Variants in ATP13A4 observed in about 807,000 individuals in gnomAD.
The protein encoded by ATP13A4 is ATPase 13A4.
Under a neutral mutation model 142.5 loss-of-function variants are expected in ATP13A4, and 114 were observed. The ratio of observed to expected loss-of-function variants is 0.80; its 90% CI spans 0.69 to 0.93. The LOEUF (loss-of-function observed/expected upper bound fraction) is 0.93, where lower values mean the gene tolerates loss of function less well. Among genes scored for constraint, ATP13A4 ranks in the 40% least tolerant of loss-of-function variants. The pLI, the probability that ATP13A4 is intolerant of heterozygous loss-of-function variation, is 0.00. For missense variants in ATP13A4, 1,392 were observed against 1,454.0 expected, an observed-to-expected ratio of 0.96 and a Z score of 0.69; for synonymous variants, 488 against 514.8, an observed-to-expected ratio of 0.95 and a Z score of 0.70.
At chr3:193,430,143 C>T (rs1040401188) in intron 25 of ATP13A4, among the ~76,000 whole-genome samples, 3 of 151,926 alleles carry the variant, frequency 2.0e-5, no homozygotes, top group Admixed American at 1.3e-4. Context: ...ATTTTCTATT[C>T]GAAATAAATT....
At chr3:193,499,006 T>C (rs992544858) in intron 3 of ATP13A4, among the ~76,000 whole-genome samples, 2 of 152,226 alleles carry the variant, frequency 1.3e-5, no homozygotes, top group African/African-American at 4.8e-5. Context: ...TTAAATCCCT[T>C]AGCTCTAAGG....
intron 12 of ATP13A4, among the ~76,000 whole-genome samples, chr3:193,464,163 T>C (rs2108642025): frequency 6.6e-6 from 1 of 152,348 alleles, no homozygotes; most frequent in Non-Finnish European, 1.5e-5. Flanking sequence ...CTGCTTAAAA[T>C]ATATGTAAAC....
At chr3:193,485,151 G>A (rs2108659574) in intron 7 of ATP13A4, among the ~76,000 whole-genome samples, 1 of 151,834 alleles carries the variant, frequency 6.6e-6, no homozygotes, top group African/African-American at 2.4e-5. Flanking sequence ...GGTGAATGAA[G>A]GCAGGAGAAA....
chr3:193,445,296 C>A (rs151101305), intron 18 of ATP13A4, among the ~76,000 whole-genome samples: 1 of 151,666 alleles, frequency 6.6e-6, no homozygotes, highest in South Asian at 2.1e-4. Flanking sequence ...ATTAGCCAGG[C>A]GTTGTGTTGC....
chr3:193,549,608 T>G (rs1227796239), intron 1 of ATP13A4, among the ~76,000 whole-genome samples: 1 of 152,094 alleles, frequency 6.6e-6, no homozygotes, highest in African/African-American at 2.4e-5. Flanking sequence ...GGCAGGTGGA[T>G]CTCTTGGGTC....
intron 1 of ATP13A4, among the ~76,000 whole-genome samples, chr3:193,534,825 A>C (rs1192101455): frequency 1.3e-5 from 2 of 152,176 alleles, no homozygotes; most frequent in African/African-American, 2.4e-5. Flanking sequence ...ATAATGGCCG[A>C]AAACATCTCA....
At chr3:193,554,711 G>C (rs1723804985) in intron 1 of ATP13A4, 29 bp downstream of exon 1, 6 of 1,608,604 alleles carry the variant, frequency 3.7e-6, no homozygotes, top group Non-Finnish European at 5.1e-6. Flanking sequence ...AAGTGGGATG[G>C]GAAGAAGGGA....
In ATP13A4 at chr3:193,489,837, G is replaced by T; in HGVS notation, c.631C>A (p.Leu211Ile). ...EVLNPFYIFQ[L>I]FSVCLWFSED... ...CTAAACCACAAACAGACACTGAAGA[G>T]TTGAAATATATAAAATGGATTTAGA... The change falls in exon 7 of 30, where the codon CTC becomes ATC. Residue 211 changes from leucine (L) to isoleucine (I), a missense_variant. Leu to Ile is a conservative substitution (Grantham distance 5). Transcript: ENST00000342695. 1 of 1,612,832 alleles carries T rather than the reference G, an allele frequency of 6.2e-7. No homozygotes were observed. The highest frequency in any genetic ancestry group is 8.5e-7 in the Non-Finnish European group (1 of 1,178,980).
At chr3:193,498,361 G>A (rs1240454419) in intron 3 of ATP13A4, among the ~76,000 whole-genome samples, 7 of 151,942 alleles carry the variant, frequency 4.6e-5, no homozygotes, top group Admixed American at 4.6e-4. Flanking sequence ...GGAAGTGAGG[G>A]TCTGAGACTG....
intron 25 of ATP13A4, among the ~76,000 whole-genome samples, chr3:193,432,061 A>T (rs965982648): frequency 2.0e-5 from 3 of 152,016 alleles, no homozygotes; most frequent in Non-Finnish European, 4.4e-5. Flanking sequence ...AGAATTTTTA[A>T]AAGAAAGAAG....
chr3:193,435,353 T>C (rs1046320284), intron 24 of ATP13A4, among the ~76,000 whole-genome samples: 2 of 152,126 alleles, frequency 1.3e-5, no homozygotes, highest in African/African-American at 4.8e-5. Flanking sequence ...ACGTTGCAAT[T>C]AAGAAGATAA....
chr3:193,555,846 T>C (rs1185409574), upstream of ATP13A4, among the ~76,000 whole-genome samples: 2 of 152,212 alleles, frequency 1.3e-5, no homozygotes, highest in African/African-American at 4.8e-5. Context: ...GTATTCCAGC[T>C]GCTTGTCTGC....
At chr3:193,536,027 A>G (rs1475496842) in intron 1 of ATP13A4, among the ~76,000 whole-genome samples, 1 of 152,026 alleles carries the variant, frequency 6.6e-6, no homozygotes, top group Admixed American at 6.5e-5. Context: ...GGGCCTATAC[A>G]GTTCCACTGA....
intron 1 of ATP13A4, among the ~76,000 whole-genome samples, chr3:193,543,002 A>G (rs1275351167): frequency 6.6e-6 from 1 of 151,522 alleles, no homozygotes; most frequent in South Asian, 2.1e-4. Flanking sequence ...TGTCTCTACT[A>G]AAAAATACAA....
In ATP13A4 at chr3:193,502,661, C is replaced by T. The variant is rs752336242; in HGVS notation, c.235-22G>A. On this transcript the variant is annotated intron_variant, in intron 2 of 29. Coordinates refer to ENST00000342695, the MANE Select transcript of ATP13A4 (RefSeq NM_032279.4). ...CATCCTGAGGAGATAGACATCAAAA[C>T]CCCCAAGAAGTTAAGAGAGGTCAGC... 8 of 1,611,858 alleles carry T rather than the reference C, an allele frequency of 5.0e-6. No individual in the cohort carries two copies. In the South Asian group the frequency reaches 6.6e-5, roughly 13 times the overall value.
chr3:193,553,175 G>C (rs1723683533), intron 1 of ATP13A4: 1 of 152,174 alleles, frequency 6.6e-6, no homozygotes, highest in African/African-American at 2.4e-5. Flanking sequence ...CTCCTAACTG[G>C]GCTTTCAGCT....
intron 5 of ATP13A4, 45 bp downstream of exon 5, chr3:193,492,872 A>C (rs764135830): frequency 1.4e-6 from 2 of 1,431,810 alleles, no homozygotes; most frequent in Non-Finnish European, 2.0e-6. Context: ...TGGCTAACTG[A>C]TAATAATCCT....
At chr3:193,471,049 C>G in intron 8 of ATP13A4, 56 bp from the exon 9 acceptor site, 1 of 1,607,250 alleles carries the variant, frequency 6.2e-7, no homozygotes, top group Non-Finnish European at 8.5e-7. Flanking sequence ...AAAATACAAT[C>G]CAACATCTAT....
chr3:193,531,735 G>C (rs940230725), intron 1 of ATP13A4, among the ~76,000 whole-genome samples: 1 of 152,126 alleles, frequency 6.6e-6, no homozygotes, highest in Non-Finnish European at 1.5e-5. Flanking sequence ...AAGTGTGTGT[G>C]GTCCAAATGT....
Sources: allele counts gnomAD v4.1 joint callset (sites outside exome capture counted in the v4.1 genomes callset), GRCh38; gene constraint gnomAD v4.1.1; transcripts MANE v1.5; gene names NCBI Gene and HGNC (gene_info 2026-07-23, HGNC 2026-07-21).